REEP3: variants seen among roughly 807,000 people sequenced by gnomAD.
The protein encoded by REEP3 is receptor accessory protein 3.
Under a neutral mutation model 41.3 loss-of-function variants are expected in REEP3, and 20 were observed. The observed-to-expected ratio is 0.48, with a 90% CI of 0.34 to 0.70. REEP3 has a LOEUF of 0.70. Ranked by LOEUF, REEP3 falls within the 30% of genes least tolerant of loss-of-function variation. The pLI is 0.01. For synonymous variants in REEP3, 104 were observed against 101.8 expected, an observed-to-expected ratio of 1.02 and a Z score of -0.13; for missense variants, 271 against 308.8, an observed-to-expected ratio of 0.88 and a Z score of 0.92.
intron 1 of REEP3, among the ~76,000 whole-genome samples, chr10:63,537,528 G>A (rs1035509705): frequency 1.3e-5 from 2 of 152,312 alleles, no homozygotes; most frequent in East Asian, 3.9e-4. Flanking sequence ...TAACTTAGAA[G>A]TGTGTGTCAT....
intron 1 of REEP3, among the ~76,000 whole-genome samples, chr10:63,559,352 T>C (rs1472730828): frequency 3.9e-5 from 6 of 152,232 alleles, no homozygotes; most frequent in African/African-American, 9.6e-5. Flanking sequence ...ACAATTCATT[T>C]TTCAAACAGA....
At chr10:63,576,988 G>A (rs1955904014) in intron 2 of REEP3, among the ~76,000 whole-genome samples, 1 of 152,122 alleles carries the variant, frequency 6.6e-6, no homozygotes, top group Non-Finnish European at 1.5e-5. Context: ...TGAATTTTGG[G>A]AAAACCTAAT....
intron 2 of REEP3, among the ~76,000 whole-genome samples, chr10:63,577,874 A>T (rs1197979988): frequency 6.6e-6 from 1 of 152,066 alleles, no homozygotes; most frequent in Admixed American, 6.6e-5. Context: ...GTTACTACTC[A>T]TCCATTTCCT....
At chr10:63,615,087 A>C (rs1422901651) in intron 6 of REEP3, among the ~76,000 whole-genome samples, 1 of 152,158 alleles carries the variant, frequency 6.6e-6, no homozygotes, top group Non-Finnish European at 1.5e-5. Context: ...TAGGGAAAAA[A>C]AATAATAAGT....
At chr10:63,598,970 T>C (rs193293045) in intron 4 of REEP3, among the ~76,000 whole-genome samples, 200 bp from the exon 5 acceptor site, 79 of 152,172 alleles carry the variant, frequency 5.2e-4, no homozygotes, top group African/African-American at 1.9e-3. Flanking sequence ...TACACACTTA[T>C]TGTCCCATGC....
chr10:63,531,117 T>A (rs538829096), intron 1 of REEP3, among the ~76,000 whole-genome samples: 2 of 152,334 alleles, frequency 1.3e-5, no homozygotes, highest in South Asian at 4.1e-4. Context: ...GATGGCATAC[T>A]CACTAAAACA....
At chr10:63,595,056 A>G (rs929930690) in intron 3 of REEP3, among the ~76,000 whole-genome samples, 4 of 152,030 alleles carry the variant, frequency 2.6e-5, no homozygotes, top group Non-Finnish European at 1.5e-5. Flanking sequence ...TTTCCTCCCC[A>G]TACGCCGCTC....
At chr10:63,575,381 G>C (rs1955889616) in intron 2 of REEP3, among the ~76,000 whole-genome samples, 1 of 152,146 alleles carries the variant, frequency 6.6e-6, no homozygotes, top group Non-Finnish European at 1.5e-5. Context: ...GTCCGTTATA[G>C]TCAATTTTGC....
chr10:63,567,742 C>T (rs925772383), intron 2 of REEP3, among the ~76,000 whole-genome samples: 1 of 152,094 alleles, frequency 6.6e-6, no homozygotes, highest in Non-Finnish European at 1.5e-5. Flanking sequence ...ATAGTCTTGT[C>T]ATCCAATTGG....
In REEP3 at chr10:63,621,250, T is replaced by C. The variant is rs146985235; in HGVS notation, c.*381T>C. ...GATGTACTGTGTTTACCTCCTTTTG[T>C]GTTGTATCTGGTAATTAAATAGGCC... is the stretch of plus-strand genomic sequence containing the variant. On this transcript the variant is annotated 3_prime_UTR_variant, in exon 8 of 8. Coordinates refer to ENST00000373758, the MANE Select transcript of REEP3 (RefSeq NM_001001330.3). The C allele has an allele frequency of 6.4e-6, 1 of 156,118 alleles. No homozygotes were observed. The highest frequency in any genetic ancestry group is 2.4e-5 in the African/African-American group (1 of 41,710). 9.7% of individuals were successfully genotyped at this position (156,118 alleles called of 1,614,324 possible).
rs1488399675 is a variant in REEP3 at position 63,619,786 on chromosome 10, A to C, written c.697A>C (p.Lys233Gln). The C allele has an allele frequency of 6.2e-7, 1 of 1,608,472 alleles. No homozygotes were observed. Among genetic ancestry groups the C allele is most frequent in the Admixed American group, 1.7e-5 (1 of 59,346 alleles). Reference sequence around the variant, plus strand: ...AAGCATGAAATCTGTGAAAACCACCAAAGGCCGCAAAGAGGTTGGTTAAGT... The same window carrying C: ...AAGCATGAAATCTGTGAAAACCACCCAAGGCCGCAAAGAGGTTGGTTAAGT... ...SQSMKSVKTT[K>Q]GRKEVRYGSL... The change falls in exon 7 of 8, where the codon AAA becomes CAA. Residue 233 changes from lysine to glutamine, a missense_variant. By Grantham distance (53) the Lys-to-Gln change is moderately conservative. Transcript: ENST00000373758.
At chr10:63,594,951 C>A in intron 3 of REEP3, 97 bp downstream of exon 3, 1 of 795,730 alleles carries the variant, frequency 1.3e-6, no homozygotes, top group Non-Finnish European at 2.2e-6. Context: ...TGATTTTCAT[C>A]AGGTTACCTA....
intron 5 of REEP3, among the ~76,000 whole-genome samples, chr10:63,600,104 A>C (rs1956158885): frequency 6.6e-6 from 1 of 152,186 alleles, no homozygotes; most frequent in Non-Finnish European, 1.5e-5. Context: ...GTTTTTTGCT[A>C]TTAAATTAAA....
chr10:63,535,921 G>A (rs1955469735), intron 1 of REEP3, among the ~76,000 whole-genome samples: 1 of 152,150 alleles, frequency 6.6e-6, no homozygotes, highest in Non-Finnish European at 1.5e-5. Flanking sequence ...TCACAATTTG[G>A]TAGAGAAGAA....
At chr10:63,610,656 A>C (rs1317581541) in intron 6 of REEP3, among the ~76,000 whole-genome samples, 1 of 152,162 alleles carries the variant, frequency 6.6e-6, no homozygotes, top group East Asian at 1.9e-4. Flanking sequence ...TACATGATAC[A>C]TGATAACTAT....
At chr10:63,555,436 T>C (rs1395795250) in intron 1 of REEP3, among the ~76,000 whole-genome samples, 1 of 152,254 alleles carries the variant, frequency 6.6e-6, no homozygotes, top group Admixed American at 6.5e-5. Flanking sequence ...ATTTTGGCAG[T>C]GATCATGCAT....
At chr10:63,522,056 T>C (rs1211310026) in intron 1 of REEP3, among the ~76,000 whole-genome samples, 3 of 152,078 alleles carry the variant, frequency 2.0e-5, no homozygotes, top group Non-Finnish European at 4.4e-5. Flanking sequence ...GTGCCGAGCC[T>C]TTGTATCCCG....
chr10:63,525,416 T>C (rs1955352608), intron 1 of REEP3, among the ~76,000 whole-genome samples: 1 of 152,142 alleles, frequency 6.6e-6, no homozygotes, highest in Non-Finnish European at 1.5e-5. Context: ...ATTGACAGAT[T>C]AGTTACTTTT....
rs1310748606 is a variant in REEP3, at chr10:63,566,976, A to C, written c.105+566A>C. 5.9e-5 allele frequency among the ~76,000 whole-genome samples: 9 copies of C among 152,218 alleles called. No individual in the cohort carries two copies. The East Asian group carries it at 1.5e-3, about 26-fold the overall frequency. On this transcript the variant is annotated intron_variant, in intron 2 of 7. Transcript: ENST00000373758. The stretch of plus-strand genomic sequence containing the variant: ...TCCCTAATTTTCTTTTTCTGTCACT[A>C]ACATTTATTTTTTAGGATTTCTGAA...
Sources: allele counts gnomAD v4.1 joint callset (sites outside exome capture counted in the v4.1 genomes callset), GRCh38; gene constraint gnomAD v4.1.1; transcripts MANE v1.5; gene names NCBI Gene and HGNC (gene_info 2026-07-23, HGNC 2026-07-21).